GNB5: variants seen among roughly 807,000 people sequenced by gnomAD.
GNB5 encodes G protein subunit beta 5.
In GNB5, 37 loss-of-function variants were observed where a neutral mutation model predicts 55.3. The observed-to-expected ratio is 0.67, with a 90% confidence interval of 0.51 to 0.88. The LOEUF (loss-of-function observed/expected upper bound fraction) is 0.88. Ranked by LOEUF, GNB5 falls within the 40% of genes least tolerant of loss-of-function variation. The probability of loss-of-function intolerance (pLI) is 0.00; values close to 1 mark genes in which losing one functional copy is unlikely to be tolerated. For missense variants in GNB5, 476 were observed against 515.3 expected (o/e 0.92, Z 0.74); for synonymous variants, 219 against 198.5 (o/e 1.10, Z -0.87).
chr15:52,124,468 C>T lies in GNB5; in HGVS notation c.1176+5G>A. 2 of 1,611,356 alleles carry T rather than the reference C, an allele frequency of 1.2e-6. No homozygotes were observed. The highest frequency in any genetic ancestry group is 1.7e-6 in the Non-Finnish European group (2 of 1,177,954). On this transcript the variant is annotated splice_donor_5th_base_variant and intron_variant, in intron 12 of 12. Coordinates refer to ENST00000261837, the MANE Select transcript of GNB5 (RefSeq NM_016194.4). ...CACAGGAAAACAGAAAACCATCCCT[C>T]TTACTCTGAGGGTATGATCCCATGA...
intron 3 of GNB5, among the ~76,000 whole-genome samples, chr15:52,178,234 G>T (rs2034690893): frequency 6.6e-6 from 1 of 152,244 alleles, no homozygotes; most frequent in Admixed American, 6.5e-5. Flanking sequence ...CCTTCGGTAA[G>T]TCCTTTAATT....
chr15:52,137,807 A>G, intron 7 of GNB5: 1 of 1,269,170 alleles, frequency 7.9e-7, no homozygotes, highest in Non-Finnish European at 1.0e-6. Flanking sequence ...ACAGCAATGG[A>G]GGGGACCTGC....
chr15:52,181,691 C>T (rs73404835), intron 2 of GNB5, among the ~76,000 whole-genome samples: 1,720 of 152,260 alleles, frequency 0.011, 37 homozygotes, highest in African/African-American at 0.039. Flanking sequence ...CTTCTCCGTA[C>T]ATAGCAGATG....
At chr15:52,124,005 CAAAAAAAAAAAA>C (rs56008657) in intron 12 of GNB5, among the ~76,000 whole-genome samples, 8 of 84,416 alleles carry the variant, frequency 9.5e-5, no homozygotes, top group Admixed American at 5.2e-4. Context: ...ATAGAAAAAC[CAAAAAAAAAAAA>C]AAAAAAAAAA....
chr15:52,152,781 C>T (rs1248327910), intron 4 of GNB5, among the ~76,000 whole-genome samples: 1 of 152,156 alleles, frequency 6.6e-6, no homozygotes, highest in African/African-American at 2.4e-5. Flanking sequence ...CAGGCACGCA[C>T]CACCATGCCC....
intron 7 of GNB5, among the ~76,000 whole-genome samples, chr15:52,136,172 A>ACACACACACACACACCC (rs1168734914): frequency 3.0e-5 from 3 of 100,118 alleles, no homozygotes; most frequent in Admixed American, 1.9e-4. Flanking sequence ...ACACACACAC[A>ACACACACACACACACCC]CCCTACCTGC....
chr15:52,158,965 C>T (rs181505373), intron 3 of GNB5, among the ~76,000 whole-genome samples: 36 of 152,218 alleles, frequency 2.4e-4, no homozygotes, highest in Non-Finnish European at 3.4e-4. Flanking sequence ...GAGGGTGGGG[C>T]ACTGCACTGG....
At chr15:52,173,682 G>C (rs2034594652) in intron 3 of GNB5, among the ~76,000 whole-genome samples, 1 of 152,246 alleles carries the variant, frequency 6.6e-6, no homozygotes, top group Non-Finnish European at 1.5e-5. Flanking sequence ...CTAGCATGGT[G>C]AGGAGGACAG....
chr15:52,185,289 A>G (rs1484085333), intron 1 of GNB5, among the ~76,000 whole-genome samples: 6 of 152,256 alleles, frequency 3.9e-5, no homozygotes, highest in African/African-American at 1.4e-4. Flanking sequence ...TTACAGGGAC[A>G]GGCTCTGGCT....
intron 4 of GNB5, among the ~76,000 whole-genome samples, chr15:52,151,772 G>C (rs2034101253): frequency 6.6e-6 from 1 of 152,144 alleles, no homozygotes; most frequent in African/African-American, 2.4e-5. Flanking sequence ...CACCTTATAA[G>C]AATAAGCTCT....
At chr15:52,146,320 C>CA (rs2033976057) in intron 6 of GNB5, among the ~76,000 whole-genome samples, 1 of 152,152 alleles carries the variant, frequency 6.6e-6, no homozygotes, top group Non-Finnish European at 1.5e-5. Flanking sequence ...TGAATGGTCT[C>CA]AGAGTTGTTC....
chr15:52,172,097 A>G (rs2034564070), intron 3 of GNB5, among the ~76,000 whole-genome samples: 1 of 152,132 alleles, frequency 6.6e-6, no homozygotes, highest in Admixed American at 6.6e-5. Flanking sequence ...TTTCAAGTTA[A>G]AGACTCTTTA....
chr15:52,124,355 G>A (rs780629732), intron 12 of GNB5, 118 bp downstream of exon 12: 14 of 743,760 alleles, frequency 1.9e-5, no homozygotes, highest in Admixed American at 2.7e-5. Flanking sequence ...ATGAGAGCTC[G>A]GCGAGGCTGA....
chr15:52,122,690 G>A lies in GNB5; in HGVS notation c.*67C>T. On this transcript the variant is annotated 3_prime_UTR_variant, in exon 13 of 13. Transcript: ENST00000261837. ...CAATAAACTCTAAGCTCCTCTAGAAGTAATATCTATTTACATGTGAAGATT... is the reference window on the plus strand; with the variant it reads ...CAATAAACTCTAAGCTCCTCTAGAAATAATATCTATTTACATGTGAAGATT... 3 of 1,257,570 alleles carry A rather than the reference G, an allele frequency of 2.4e-6. No homozygotes were observed. The highest frequency in any genetic ancestry group is 3.5e-6 in the Non-Finnish European group (3 of 855,254). 77.9% of individuals were successfully genotyped at this position (1,257,570 alleles called of 1,614,324 possible).
chr15:52,131,027 T>C (rs2931459), intron 9 of GNB5, among the ~76,000 whole-genome samples: 4,382 of 152,260 alleles, frequency 0.029, 229 homozygotes, highest in African/African-American at 0.1. Flanking sequence ...GGTTTCACCA[T>C]GTTGGCCAGG....
In GNB5 at chr15:52,133,368, A is replaced by G; in HGVS notation, c.863+10T>C. On this transcript the variant is annotated intron_variant, in intron 9 of 12. Coordinates refer to ENST00000261837, the MANE Select transcript of GNB5 (RefSeq NM_016194.4). ...AACAGAGAGGTGGCATGAACATTCT[A>G]CTCACTGACCGGACACTGTTGATGT... The G allele has an allele frequency of 1.3e-6, 2 of 1,555,288 alleles. No homozygotes were observed. Among genetic ancestry groups the G allele is most frequent in the South Asian group, 1.1e-5 (1 of 89,952 alleles).
intron 7 of GNB5, chr15:52,136,878 T>A (rs1165119364): frequency 2.6e-6 from 1 of 390,858 alleles, no homozygotes; most frequent in East Asian, 7.3e-5. Flanking sequence ...TTCCTGTTAC[T>A]ATGTTAAACC....
chr15:52,137,596 A>G, intron 7 of GNB5: 1 of 1,107,536 alleles, frequency 9.0e-7, no homozygotes, highest in Non-Finnish European at 1.1e-6. Flanking sequence ...CCATAGAGTA[A>G]AGGCACACAG....
intron 6 of GNB5, among the ~76,000 whole-genome samples, chr15:52,146,687 C>T (rs1388714509): frequency 6.6e-6 from 1 of 151,644 alleles, no homozygotes; most frequent in Admixed American, 6.6e-5. Flanking sequence ...ACCTCAGCTT[C>T]CAGAATAGCT....
Sources: allele counts gnomAD v4.1 joint callset (sites outside exome capture counted in the v4.1 genomes callset), GRCh38; gene constraint gnomAD v4.1.1; transcripts MANE v1.5; gene names NCBI Gene and HGNC (gene_info 2026-07-23, HGNC 2026-07-21).